ELMOD2: variants seen among roughly 807,000 people sequenced by gnomAD.
ELMOD2 encodes the protein ELMO domain-containing protein 2.
Under a neutral mutation model 41.0 loss-of-function variants are expected in ELMOD2, and 28 were observed. The ratio of observed to expected loss-of-function variants is 0.68; its 90% CI spans 0.51 to 0.94. The LOEUF is 0.94. Among genes scored for constraint, ELMOD2 ranks in the 40% least tolerant of loss-of-function variants. The probability of loss-of-function intolerance (pLI) is 0.00; values close to 1 mark genes in which losing one functional copy is unlikely to be tolerated. For missense variants in ELMOD2, 333 were observed against 343.1 expected, an observed-to-expected ratio of 0.97 and a Z score of 0.23; for synonymous variants, 106 against 107.2, an observed-to-expected ratio of 0.99 and a Z score of 0.07.
chr4:140,543,790 T>C (rs1242749368), intron 8 of ELMOD2, among the ~76,000 whole-genome samples: 2 of 152,150 alleles, frequency 1.3e-5, no homozygotes, highest in East Asian at 3.8e-4. Context: ...TTATATTTGC[T>C]GATTATAAAA....
Position 140,527,483 on chromosome 4 carries a change from T to G in ELMOD2, c.160T>G (p.Ser54Ala). ...CATTTCAGAAAATTCCTTGACATAC[T>G]CCAAGAATAAGGTAGGATAACATAA... is the stretch of plus-strand genomic sequence containing the variant. ...THRIENSLTY[S>A]KNKVLQKATH... Residue 54 changes from serine (S) to alanine (A), a missense_variant, in exon 3 of 9, where the codon TCC (serine) becomes GCC (alanine). Transcript: ENST00000323570. 6.3e-7 allele frequency: 1 copy of G among 1,575,448 alleles called. No individual in the cohort carries two copies. Among genetic ancestry groups the G allele is most frequent in the Non-Finnish European group, 8.6e-7 (1 of 1,163,470 alleles).
chr4:140,542,698 A>G, intron 7 of ELMOD2, 56 bp downstream of exon 7: 1 of 1,279,920 alleles, frequency 7.8e-7, no homozygotes, highest in Non-Finnish European at 1.1e-6. Flanking sequence ...TGATTAGATG[A>G]TTTAATGAAT....
chr4:140,546,972 A>G (rs900961988), intron 8 of ELMOD2, among the ~76,000 whole-genome samples: 1 of 152,214 alleles, frequency 6.6e-6, no homozygotes, highest in Non-Finnish European at 1.5e-5. Context: ...ACATATGCAT[A>G]TACCTATGTA....
chr4:140,542,290 T>G, intron 6 of ELMOD2: 1 of 209,950 alleles, frequency 4.8e-6, no homozygotes. Context: ...AAAAAGAACT[T>G]TGGTTGTTTT....
intron 3 of ELMOD2, among the ~76,000 whole-genome samples, chr4:140,530,964 A>G (rs1328202490): frequency 1.3e-5 from 2 of 152,150 alleles, no homozygotes; most frequent in Non-Finnish European, 2.9e-5. Flanking sequence ...AGCTATTCAT[A>G]CCCACATAGT....
At chr4:140,544,152 C>A (rs1735193750) in intron 8 of ELMOD2, among the ~76,000 whole-genome samples, 1 of 152,108 alleles carries the variant, frequency 6.6e-6, no homozygotes, top group Non-Finnish European at 1.5e-5. Flanking sequence ...AGCTATTGTT[C>A]AGAAGCAAAG....
At chr4:140,542,378 T>A (rs1026100850) in intron 6 of ELMOD2, 196 bp from the exon 7 acceptor site, 1 of 436,110 alleles carries the variant, frequency 2.3e-6, no homozygotes, top group African/African-American at 2.0e-5. Context: ...CTATATTCTG[T>A]ACTACATAGG....
At chr4:140,545,090 TTC>T (rs1735229380) in intron 8 of ELMOD2, among the ~76,000 whole-genome samples, 2 of 152,156 alleles carry the variant, frequency 1.3e-5, no homozygotes, top group Admixed American at 1.3e-4. Flanking sequence ...CCAATTTAGT[TTC>T]TCTCTCCATG....
chr4:140,524,230 T>G lies in ELMOD2; in HGVS notation c.-60T>G, dbSNP rs554815702. On this transcript the variant is annotated 5_prime_UTR_variant, in exon 1 of 9. Coordinates refer to ENST00000323570, the MANE Select transcript of ELMOD2 (RefSeq NM_153702.4). ...CGTTTCCGTTGCCGGCTGTTTGCAG[T>G]GGGGAAACCGAGGCAGCTCCTGCTC... is the stretch of plus-strand genomic sequence containing the variant. The G allele has an allele frequency of 4.9e-4, 75 of 152,440 alleles. No individual in the cohort carries two copies. The highest frequency in any genetic ancestry group is 1.6e-3 in the African/African-American group (68 of 41,582). The allele number at this position is 152,440 out of a possible 1,614,324, so 9.4% of individuals were successfully genotyped here.
chr4:140,543,971 A>G (rs1007643550), intron 8 of ELMOD2, among the ~76,000 whole-genome samples: 1 of 152,142 alleles, frequency 6.6e-6, no homozygotes, highest in African/African-American at 2.4e-5. Flanking sequence ...AATTTAATTT[A>G]GAGGAACTTT....
At chr4:140,527,674 A>C in intron 3 of ELMOD2, 180 bp downstream of exon 3, 1 of 538,818 alleles carries the variant, frequency 1.9e-6, no homozygotes, top group Non-Finnish European at 3.3e-6. Flanking sequence ...TTTCGTGTGT[A>C]TTTCAAAGAA....
At chr4:140,535,584 A>G in intron 3 of ELMOD2, 149 bp from the exon 4 acceptor site, 1 of 647,946 alleles carries the variant, frequency 1.5e-6, no homozygotes, top group South Asian at 1.8e-5. Context: ...ATTTAGCCCT[A>G]GAGAAAATGT....
intron 5 of ELMOD2, among the ~76,000 whole-genome samples, chr4:140,538,930 G>C (rs1048298397): frequency 6.6e-6 from 1 of 152,138 alleles, no homozygotes; most frequent in African/African-American, 2.4e-5. Flanking sequence ...CTACACTGTG[G>C]CTCTCACCAC....
In ELMOD2 at chr4:140,553,640, G is replaced by A. The variant is rs1735526083; in HGVS notation, c.*3265G>A. ...TTCTCTGGGGGAAAAAGTACCACTT[G>A]GACACTTAAAGGAATTGGGATTTTT... On this transcript the variant is annotated 3_prime_UTR_variant, in exon 9 of 9. Transcript: ENST00000323570. 1 of 152,054 alleles carries A rather than the reference G, an allele frequency of 6.6e-6. No individual in the cohort carries two copies. Among genetic ancestry groups the A allele is most frequent in the Non-Finnish European group, 1.5e-5 (1 of 67,986 alleles). The allele number at this position is 152,054 out of a possible 1,614,324, so 9.4% of individuals were successfully genotyped here.
In ELMOD2 at chr4:140,525,462, C is replaced by T; in HGVS notation, c.34C>T (p.His12Tyr). 3.1e-6 allele frequency: 5 copies of T among 1,613,662 alleles called. No individual in the cohort carries two copies. Among genetic ancestry groups the T allele is most frequent in the Non-Finnish European group, 4.2e-6 (5 of 1,179,842 alleles). The stretch of plus-strand genomic sequence containing the variant: ...TTCTTTGTGGGAGTTCTTCTATGGG[C>T]ACTTTTTTCGATTTTGGATGAAATG... The part of the protein sequence containing the change: ...FISLWEFFYG[H>Y]FFRFWMKWLL... The change falls in exon 2 of 9, where the codon CAC becomes TAC. Residue 12 changes from histidine (H) to tyrosine (Y), a missense_variant. Coordinates refer to ENST00000323570, the MANE Select transcript of ELMOD2 (RefSeq NM_153702.4).
Position 140,537,495 on chromosome 4 carries a change from G to A in ELMOD2, c.353G>A (p.Arg118Lys). Residue 118 changes from arginine (R) to lysine (K), a missense_variant, in exon 5 of 9, where the codon AGG becomes AAG. Coordinates refer to ENST00000323570, the MANE Select transcript of ELMOD2 (RefSeq NM_153702.4). ...LYLDVESVRK[R>K]PYDSDNLQHE... Reference sequence around the variant, plus strand: ...TTGGATGTAGAAAGTGTGAGGAAAAGGCCATATGATTCTGATAACCTACAG... The same window carrying A: ...TTGGATGTAGAAAGTGTGAGGAAAAAGCCATATGATTCTGATAACCTACAG... 3 of 1,595,834 alleles carry A rather than the reference G, an allele frequency of 1.9e-6. No homozygotes were observed. The highest frequency in any genetic ancestry group is 2.6e-6 in the Non-Finnish European group (3 of 1,172,682).
At chr4:140,524,613 T>G in intron 1 of ELMOD2, 1 of 985,452 alleles carries the variant, frequency 1.0e-6, no homozygotes, top group Non-Finnish European at 1.2e-6. Flanking sequence ...TGCACTGACC[T>G]GCGGGTACTT....
intron 8 of ELMOD2, among the ~76,000 whole-genome samples, chr4:140,546,330 C>G (rs2110879731): frequency 6.7e-6 from 1 of 150,016 alleles, no homozygotes; most frequent in East Asian, 2.0e-4. Context: ...ACACCGGGGC[C>G]TGTTGTGGGG....
intron 8 of ELMOD2, among the ~76,000 whole-genome samples, chr4:140,545,587 A>G (rs924030584): frequency 6.6e-6 from 1 of 152,162 alleles, no homozygotes; most frequent in Non-Finnish European, 1.5e-5. Flanking sequence ...AAATGGAGGG[A>G]ACAGATTTCA....
Sources: gnomAD v4.1 joint callset for allele counts (sites outside exome capture counted in the v4.1 genomes callset) on GRCh38, gnomAD v4.1.1 for gene constraint, MANE v1.5 for transcripts, NCBI Gene and HGNC (gene_info 2026-07-23, HGNC 2026-07-21) for gene names.